The following TFEC variants were observed in gnomAD, a reference collection of about 807,000 sequenced individuals.
TFEC encodes class E basic helix-loop-helix protein 34.
Under a neutral mutation model 41.6 loss-of-function variants are expected in TFEC, and 31 were observed. That is an observed-to-expected ratio of 0.74 (90% CI 0.56 to 1.01). The LOEUF is 1.01. TFEC is among the 50% of genes least tolerant of loss of function. The probability of loss-of-function intolerance (pLI) is 0.00; values close to 1 mark genes in which losing one functional copy is unlikely to be tolerated. For missense variants in TFEC, 402 were observed against 404.1 expected, an observed-to-expected ratio of 0.99 and a Z score of 0.04; for synonymous variants, 143 against 140.6, an observed-to-expected ratio of 1.02 and a Z score of -0.12.
chr7:116,060,198 A>AATG (rs57604470), intron 3 of TFEC, among the ~76,000 whole-genome samples: 91,829 of 151,472 alleles, frequency 0.61, 28,276 homozygotes, highest in East Asian at 0.73. Flanking sequence ...TAGATTTAAA[A>AATG]GTACTAAAGT....
intron 3 of TFEC, among the ~76,000 whole-genome samples, chr7:116,045,890 C>A (rs895019019): frequency 6.6e-6 from 1 of 152,184 alleles, no homozygotes; most frequent in Non-Finnish European, 1.5e-5. Flanking sequence ...ATCAGCATGA[C>A]CTGGATGTGA....
At chr7:116,104,841 T>C (rs1797680646) in intron 3 of TFEC, among the ~76,000 whole-genome samples, 1 of 151,696 alleles carries the variant, frequency 6.6e-6, no homozygotes, top group South Asian at 2.1e-4. Context: ...GAGATTTATA[T>C]CTGGAGGAGA....
At chr7:116,131,833 T>C (rs1798339223) in intron 1 of TFEC, among the ~76,000 whole-genome samples, 2 of 152,190 alleles carry the variant, frequency 1.3e-5, no homozygotes, top group South Asian at 4.1e-4. Context: ...ACAGTATTAG[T>C]ACCCTTGAGA....
intron 1 of TFEC, among the ~76,000 whole-genome samples, chr7:116,116,768 T>C (rs990364560): frequency 1.3e-5 from 2 of 151,892 alleles, no homozygotes; most frequent in African/African-American, 2.4e-5. Context: ...GTCTACTGAT[T>C]CTTTCAATCA....
intron 3 of TFEC, among the ~76,000 whole-genome samples, chr7:116,094,419 G>A (rs774825745): frequency 1.1e-4 from 17 of 152,112 alleles, no homozygotes; most frequent in Non-Finnish European, 7.4e-5. Context: ...GGTGGCTCAC[G>A]CCTGTAATCC....
chr7:116,062,859 G>C lies in TFEC; in HGVS notation c.198+47849C>G, dbSNP rs370696105. On this transcript the variant is annotated intron_variant, in intron 3 of 8. Coordinates refer to the TFEC transcript ENST00000484212. ...AGACTGCTGGTAGGAATGTTTAATGGTATAATCACTATGAAACGCTTTTGG... is the reference window on the plus strand; with the variant it reads ...AGACTGCTGGTAGGAATGTTTAATGCTATAATCACTATGAAACGCTTTTGG... 1.8e-4 allele frequency among the ~76,000 whole-genome samples: 28 copies of C among 152,020 alleles called. 1 individual carries two copies. In the East Asian group the frequency reaches 2.3e-3, roughly 13 times the overall value.
At chr7:115,996,552 G>T (rs756341444) in intron 1 of TFEC, among the ~76,000 whole-genome samples, 3 of 151,862 alleles carry the variant, frequency 2.0e-5, no homozygotes, top group Non-Finnish European at 4.4e-5. Context: ...GAAAAGGAGA[G>T]GGAAGAGTAA....
At chr7:115,945,459 A>T (rs1247437102) in intron 6 of TFEC, among the ~76,000 whole-genome samples, 1 of 151,636 alleles carries the variant, frequency 6.6e-6, no homozygotes. Flanking sequence ...GCTAAACCCT[A>T]AAGAGGGACA....
At chr7:116,111,175 G>A (rs1378862620) in intron 2 of TFEC, among the ~76,000 whole-genome samples, 1 of 151,380 alleles carries the variant, frequency 6.6e-6, no homozygotes, top group Non-Finnish European at 1.5e-5. Flanking sequence ...TTGGAGATTT[G>A]TGCCTGACTT....
At chr7:116,026,116 C>A (rs1026378379) in intron 1 of TFEC, among the ~76,000 whole-genome samples, 8 of 152,186 alleles carry the variant, frequency 5.3e-5, no homozygotes, top group African/African-American at 1.9e-4. Context: ...CTCTTAAAAG[C>A]ATAGCTGTTC....
intron 1 of TFEC, among the ~76,000 whole-genome samples, chr7:116,011,597 T>C: frequency 6.6e-6 from 1 of 152,168 alleles, no homozygotes; most frequent in Admixed American, 6.6e-5. Context: ...TGTCCAGGTA[T>C]TAACAATATT....
At chr7:116,003,434 A>G (rs865940068) in intron 1 of TFEC, among the ~76,000 whole-genome samples, 1 of 152,104 alleles carries the variant, frequency 6.6e-6, no homozygotes, top group Non-Finnish European at 1.5e-5. Flanking sequence ...ATTCTAAAAA[A>G]CATAACAATC....
At chr7:116,076,847 A>G (rs1273304659) in intron 3 of TFEC, among the ~76,000 whole-genome samples, 8 of 152,160 alleles carry the variant, frequency 5.3e-5, no homozygotes. Context: ...TTTGGTAAAC[A>G]TACTTGAGAA....
At chr7:115,997,702 C>A (rs550325146) in intron 1 of TFEC, among the ~76,000 whole-genome samples, 2 of 152,076 alleles carry the variant, frequency 1.3e-5, no homozygotes, top group African/African-American at 4.8e-5. Context: ...CAGTGAAATT[C>A]AAGACAAAAT....
At chr7:116,074,706 G>C (rs1020946830) in intron 3 of TFEC, among the ~76,000 whole-genome samples, 1 of 152,038 alleles carries the variant, frequency 6.6e-6, no homozygotes, top group Non-Finnish European at 1.5e-5. Context: ...AGCATTCCTT[G>C]AAGTATGAAA....
chr7:115,977,723 T>C (rs1386509657), intron 2 of TFEC, among the ~76,000 whole-genome samples: 1 of 152,112 alleles, frequency 6.6e-6, no homozygotes, highest in East Asian at 1.9e-4. Flanking sequence ...CATACATGCA[T>C]AATAATTACA....
chr7:116,122,394 G>A (rs1436263230), intron 1 of TFEC, among the ~76,000 whole-genome samples: 1 of 152,000 alleles, frequency 6.6e-6, no homozygotes. Context: ...TGTAAGTGGG[G>A]TCTAAGAAAT....
chr7:116,069,650 G>A (rs1796778682), intron 3 of TFEC, among the ~76,000 whole-genome samples: 1 of 151,516 alleles, frequency 6.6e-6, no homozygotes. Flanking sequence ...ATAATTAATG[G>A]CTAATGCTAT....
rs1450367639 is a variant in TFEC, at chr7:115,956,564, CT to C, written c.382+114del. On this transcript the variant is annotated intron_variant, in intron 4 of 7. Transcript: ENST00000265440. ...AAAAGATGAATTTACTGTCTGCCTTCTTTTTTGTAACTGTTTTGTTATACTT... is the reference window on the plus strand; with the variant it reads ...AAAAGATGAATTTACTGTCTGCCTTCTTTTTGTAACTGTTTTGTTATACTT... 8.9e-6 allele frequency: 5 copies of C among 559,260 alleles called. No individual in the cohort carries two copies. The African/African-American group carries it at 9.8e-5, about 11-fold the overall frequency. The allele number at this position is 559,260 out of a possible 1,614,324, so 34.6% of individuals were successfully genotyped here. A position where few individuals can be genotyped will look rare whatever the true frequency, so the allele number is the denominator to read the frequency against.
Sources: gnomAD v4.1 joint callset for allele counts (sites outside exome capture counted in the v4.1 genomes callset) on GRCh38, gnomAD v4.1.1 for gene constraint, MANE v1.5 for transcripts, NCBI Gene and HGNC (gene_info 2026-07-23, HGNC 2026-07-21) for gene names.